NLRC5: variants seen among roughly 807,000 people sequenced by gnomAD.
NLRC5 encodes the protein protein NLRC5.
In NLRC5, 114 loss-of-function variants were observed where a neutral mutation model predicts 206.9. That is an observed-to-expected ratio of 0.55 (90% CI 0.47 to 0.64). The LOEUF is 0.64. Among genes scored for constraint, NLRC5 ranks in the 30% least tolerant of loss-of-function variants. The pLI is 0.00. For missense variants in NLRC5, 2,008 were observed against 2,305.5 expected (o/e 0.87, Z 2.64); for synonymous variants, 952 against 962.8 (o/e 0.99, Z 0.21).
rs754199282 is a variant in NLRC5, at chr16:57,025,921, C to T, written c.978C>T (p.Thr326=). ...MGPDGPGPVL[T]LFSHLCNGTL... is the part of the protein sequence containing the mutation. ...CTGATGGCCCAGGCCCAGTCCTCAC[C>T]CTTTTCTCCCATCTCTGCAATGGGA... The change falls in exon 6 of 49, where the codon ACC becomes ACT. Residue 326 remains threonine, a synonymous_variant. Coordinates refer to ENST00000688547, the MANE Select transcript of NLRC5 (RefSeq NM_001384950.1). 9.9e-6 allele frequency: 16 copies of T among 1,614,080 alleles called. No individual in the cohort carries two copies. The East Asian group carries it at 2.9e-4, about 29-fold the overall frequency.
intron 8 of NLRC5, among the ~76,000 whole-genome samples, chr16:57,028,653 C>T (rs905479908): frequency 6.6e-6 from 1 of 152,156 alleles, no homozygotes; most frequent in Non-Finnish European, 1.5e-5. Context: ...TTTCTGAAAT[C>T]CCAGGAGAAG....
At chr16:57,061,561 G>A (rs1567624870) in intron 31 of NLRC5, 30 bp downstream of exon 31, 8 of 1,609,036 alleles carry the variant, frequency 5.0e-6, no homozygotes, top group Non-Finnish European at 6.8e-6. Context: ...CGTGAGGACA[G>A]CAGAGGGGTG....
intron 14 of NLRC5, 113 bp downstream of exon 14, chr16:57,036,296 T>A: frequency 1.0e-6 from 1 of 953,194 alleles, no homozygotes; most frequent in Non-Finnish European, 1.6e-6. Context: ...CCCTGCTTCC[T>A]CCCAACTCCA....
At chr16:57,030,831 G>A (rs538493159) in intron 10 of NLRC5, among the ~76,000 whole-genome samples, 231 of 152,276 alleles carry the variant, frequency 1.5e-3, no homozygotes, top group Non-Finnish European at 3.0e-3. Flanking sequence ...AAATTCAGCC[G>A]GGCTCAGTGG....
At position 57,039,896 on chromosome 16, in the gene NLRC5, C is replaced by T. The variant is rs188792126; in HGVS notation, c.2870+47C>T. ...ACTCCATGCTCAGTCAGGGACATTC[C>T]CCTCTCTACCCTCCACAGCTGGGCA... is the stretch of plus-strand genomic sequence containing the variant. On this transcript the variant is annotated intron_variant, in intron 16 of 48. Transcript: ENST00000688547. The T allele has an allele frequency of 5.0e-4, 732 of 1,475,274 alleles. 9 individuals carry two copies. Among genetic ancestry groups the T allele is most frequent in the Non-Finnish European group, 2.0e-5 (21 of 1,055,522 alleles). 91.4% of individuals were successfully genotyped at this position (1,475,274 alleles called of 1,614,324 possible).
At chr16:56,996,176 CT>C (rs1266746313) in intron 1 of NLRC5, among the ~76,000 whole-genome samples, 1 of 151,286 alleles carries the variant, frequency 6.6e-6, no homozygotes, top group Non-Finnish European at 1.5e-5. Context: ...TTCTTTCTTT[CT>C]TTTTTTTTCT....
chr16:57,001,791 A>G (rs969077180), intron 1 of NLRC5, among the ~76,000 whole-genome samples: 8 of 152,134 alleles, frequency 5.3e-5, no homozygotes, highest in Non-Finnish European at 1.2e-4. Context: ...TGTACAGTTA[A>G]ATTATTACTG....
intron 39 of NLRC5, among the ~76,000 whole-genome samples, chr16:57,076,416 A>G (rs1485633242): frequency 6.6e-6 from 1 of 152,268 alleles, no homozygotes; most frequent in Non-Finnish European, 1.5e-5. Context: ...TATGCCCCTG[A>G]GAACTGATCT....
At chr16:56,993,122 T>TAGATATATAC (rs2057125447) in intron 1 of NLRC5, among the ~76,000 whole-genome samples, 1 of 91,188 alleles carries the variant, frequency 1.1e-5, no homozygotes, top group Non-Finnish European at 2.2e-5. Flanking sequence ...TATATATGTG[T>TAGATATATAC]ATATATATAT....
intron 13 of NLRC5, among the ~76,000 whole-genome samples, chr16:57,035,253 C>T (rs1437975463): frequency 6.6e-6 from 1 of 152,114 alleles, no homozygotes; most frequent in African/African-American, 2.4e-5. Context: ...TAGTCCAACC[C>T]ACCCTCATCT....
intron 28 of NLRC5, 139 bp downstream of exon 28, chr16:57,058,287 C>G (rs1160761552): frequency 4.4e-6 from 3 of 689,464 alleles, no homozygotes; most frequent in Non-Finnish European, 5.0e-6. Context: ...GCAATTCTTC[C>G]CTTGCCTTCA....
At chr16:57,001,610 T>C (rs1487867241) in intron 1 of NLRC5, among the ~76,000 whole-genome samples, 1 of 152,180 alleles carries the variant, frequency 6.6e-6, no homozygotes, top group Non-Finnish European at 1.5e-5. Flanking sequence ...TTATTTTTCA[T>C]TTTTAATTTT....
chr16:57,024,425 C>G (rs1439217976), intron 5 of NLRC5, among the ~76,000 whole-genome samples: 2 of 152,214 alleles, frequency 1.3e-5, no homozygotes, highest in African/African-American at 4.8e-5. Context: ...CCAACCATGG[C>G]TATAACCAGA....
chr16:57,008,406 C>T (rs546371148), intron 1 of NLRC5, among the ~76,000 whole-genome samples: 15 of 152,260 alleles, frequency 9.9e-5, no homozygotes, highest in African/African-American at 2.6e-4. Flanking sequence ...TAACTTCTTA[C>T]ATTTAAATTT....
chr16:57,074,393 T>A, intron 38 of NLRC5: 1 of 547,164 alleles, frequency 1.8e-6, no homozygotes, highest in East Asian at 3.1e-5. Flanking sequence ...AACATAGAAC[T>A]GCTGCCTGCC....
rs571075001 is a variant in NLRC5, at chr16:57,025,088, G to A, written c.425-280G>A. 4.6e-5 allele frequency among the ~76,000 whole-genome samples: 7 copies of A among 152,258 alleles called. No homozygotes were observed. In the East Asian group the frequency reaches 7.7e-4, roughly 17 times the overall value. On this transcript the variant is annotated intron_variant, in intron 5 of 48. Transcript: ENST00000688547. ...CCATCTTACTGAACCCTTACACCAC[G>A]TGTACTATTGCAGAATGGATAGAAC...
At position 57,026,483 on chromosome 16, in the gene NLRC5, C is replaced by T. The variant is rs1484998646; in HGVS notation, c.1540C>T (p.His514Tyr). 1 of 1,614,168 alleles carries T rather than the reference C, an allele frequency of 6.2e-7. No homozygotes were observed. Among genetic ancestry groups the T allele is most frequent in the Non-Finnish European group, 8.5e-7 (1 of 1,180,036 alleles). Residue 514 changes from histidine to tyrosine, a missense_variant, in exon 6 of 49, where the codon CAC (histidine) becomes TAC (tyrosine). Coordinates refer to ENST00000688547, the MANE Select transcript of NLRC5 (RefSeq NM_001384950.1). Reference sequence around the variant, plus strand: ...CCAGCAGACAGGCTATGCTTTCACCCACCTCAGCCTGCAGGAGTTTCTTGC... The same window carrying T: ...CCAGCAGACAGGCTATGCTTTCACCTACCTCAGCCTGCAGGAGTTTCTTGC... ...GHQQTGYAFT[H>Y]LSLQEFLAAL...
chr16:57,055,395 C>A, intron 26 of NLRC5, 38 bp from the exon 27 acceptor site: 1 of 1,596,238 alleles, frequency 6.3e-7, no homozygotes, highest in Non-Finnish European at 8.6e-7. Flanking sequence ...AGTGGCCAAA[C>A]GCCCCATCCC....
At chr16:57,047,676 C>G (rs759487963) in intron 23 of NLRC5, 48 bp downstream of exon 23, 7 of 1,509,922 alleles carry the variant, frequency 4.6e-6, no homozygotes, top group Non-Finnish European at 6.4e-6. Flanking sequence ...GGGGATCTGC[C>G]CAGTGACCTG....
Sources: gnomAD v4.1 joint callset for allele counts (sites outside exome capture counted in the v4.1 genomes callset) on GRCh38, gnomAD v4.1.1 for gene constraint, MANE v1.5 for transcripts, NCBI Gene and HGNC (gene_info 2026-07-23, HGNC 2026-07-21) for gene names.